Variants in COL22A1 observed in about 807,000 individuals in gnomAD.
COL22A1 encodes the protein collagen type XXII alpha 1 chain.
In COL22A1, 221 loss-of-function variants were observed where a neutral mutation model predicts 248.9. The ratio of observed to expected loss-of-function variants is 0.89; its 90% CI spans 0.80 to 0.99. The LOEUF is 0.99. Among genes scored for constraint, COL22A1 ranks in the 50% least tolerant of loss-of-function variants. COL22A1 has a pLI of 0.00. For missense variants in COL22A1, 2,240 were observed against 2,179.0 expected, an observed-to-expected ratio of 1.03 and a Z score of -0.56; for synonymous variants, 891 against 793.4, an observed-to-expected ratio of 1.12 and a Z score of -2.07.
At chr8:138,811,758 C>G (rs746008047) in intron 9 of COL22A1, 41 bp downstream of exon 9, 1 of 1,612,240 alleles carries the variant, frequency 6.2e-7, no homozygotes, top group South Asian at 1.1e-5. Flanking sequence ...ACTGCACCAC[C>G]CAGGGTTCTG....
rs111896036 is a variant in COL22A1 at position 138,636,020 on chromosome 8, C to T, written c.3555+722G>A. Among the ~76,000 whole-genome samples, 1,310 of 152,176 alleles carry T rather than the reference C, an allele frequency of 8.6e-3. 8 individuals carry two copies. Among genetic ancestry groups the T allele is most frequent in the South Asian group, 0.036 (171 of 4,800 alleles). ...TGGCATGGAATTGGCTGACAATGAG[C>T]ACTGGCTGTGAGATGCAGAAGAGAG... On this transcript the variant is annotated intron_variant, in intron 48 of 64. Coordinates refer to ENST00000303045, the MANE Select transcript of COL22A1 (RefSeq NM_152888.3).
At chr8:138,689,158 C>G (rs894865353) in intron 36 of COL22A1, among the ~76,000 whole-genome samples, 188 bp from the exon 37 acceptor site, 6 of 143,750 alleles carry the variant, frequency 4.2e-5, no homozygotes, top group Non-Finnish European at 7.5e-5. Flanking sequence ...GCTGCTCTCC[C>G]GGGGGGGGGG....
intron 9 of COL22A1, among the ~76,000 whole-genome samples, chr8:138,809,528 C>CTTTTTCTTTTTTT (rs1554633655): frequency 0.047 from 5,557 of 117,626 alleles, 358 homozygotes; most frequent in Middle Eastern, 0.073. Flanking sequence ...TTTTCTTTTT[C>CTTTTTCTTTTTTT]TTTTTTTTTT....
intron 3 of COL22A1, among the ~76,000 whole-genome samples, chr8:138,873,848 A>T (rs750764301): frequency 3.9e-5 from 6 of 152,220 alleles, no homozygotes; most frequent in Non-Finnish European, 8.8e-5. Context: ...GTTTTAATGC[A>T]TGGTTATTGA....
At chr8:138,720,598 C>T (rs1196190321) in intron 27 of COL22A1, 141 bp downstream of exon 27, 2 of 735,196 alleles carry the variant, frequency 2.7e-6, no homozygotes, top group East Asian at 5.1e-5. Flanking sequence ...AACCCTGCCC[C>T]TTTTCAAGTA....
chr8:138,615,383 T>A (rs1316775152), intron 55 of COL22A1, among the ~76,000 whole-genome samples: 4 of 151,904 alleles, frequency 2.6e-5, no homozygotes, highest in Non-Finnish European at 1.5e-5. Flanking sequence ...ATACAAAAAT[T>A]AGCTGGGCAT....
chr8:138,851,257 G>A (rs1399612831), intron 3 of COL22A1, among the ~76,000 whole-genome samples: 1 of 152,196 alleles, frequency 6.6e-6, no homozygotes, highest in Non-Finnish European at 1.5e-5. Flanking sequence ...GTCCACCCAT[G>A]GGAAGAGCAG....
chr8:138,748,578 T>C (rs1441065742), intron 22 of COL22A1, among the ~76,000 whole-genome samples: 2 of 152,114 alleles, frequency 1.3e-5, no homozygotes, highest in East Asian at 1.9e-4. Context: ...TGCCATGTAA[T>C]TGGAGCTCAA....
Position 138,668,903 on chromosome 8 carries a change from C to T in COL22A1, c.3151-5163G>A, listed in dbSNP as rs528437241. Among the ~76,000 whole-genome samples, 11 of 152,158 alleles carry T rather than the reference C, an allele frequency of 7.2e-5. No individual in the cohort carries two copies. The South Asian group carries it at 1.5e-3, about 20-fold the overall frequency. On this transcript the variant is annotated intron_variant, in intron 41 of 64. Coordinates refer to ENST00000303045, the MANE Select transcript of COL22A1 (RefSeq NM_152888.3). ...GAACCTTCACCCAGAGGGGGATAGG[C>T]GAAAAGAGGTTTAGTGGGGTCGGGG...
intron 50 of COL22A1, 25 bp from the exon 51 acceptor site, chr8:138,626,268 A>G (rs1230094269): frequency 6.3e-7 from 1 of 1,590,816 alleles, no homozygotes; most frequent in Non-Finnish European, 8.6e-7. Context: ...ACATAAAAAC[A>G]CCATGAAACC....
intron 6 of COL22A1, among the ~76,000 whole-genome samples, chr8:138,824,813 T>G (rs934090227): frequency 1.3e-4 from 20 of 152,324 alleles, no homozygotes; most frequent in Admixed American, 1.2e-3. Flanking sequence ...TGCGCATCAT[T>G]GGCACTTCTG....
At chr8:138,696,896 A>G (rs1443130386) in intron 32 of COL22A1, among the ~76,000 whole-genome samples, 1 of 152,178 alleles carries the variant, frequency 6.6e-6, no homozygotes, top group Non-Finnish European at 1.5e-5. Context: ...AAAACTACCC[A>G]TGGTGGGGAT....
intron 23 of COL22A1, among the ~76,000 whole-genome samples, chr8:138,736,030 C>T (rs1214278671): frequency 6.6e-6 from 1 of 152,112 alleles, no homozygotes; most frequent in Non-Finnish European, 1.5e-5. Flanking sequence ...CTTGTGCCCA[C>T]CTGCTTGGTG....
chr8:138,663,788 G>T lies in COL22A1; in HGVS notation c.3151-48C>A, dbSNP rs200059082. On this transcript the variant is annotated intron_variant, in intron 41 of 64. Transcript: ENST00000303045. ...GTAAGCAAAGTAGAAATGGCATGCT[G>T]ATGTAAACAAGCTATGGTGTTTATT... The T allele has an allele frequency of 8.6e-5, 122 of 1,426,000 alleles. No individual in the cohort carries two copies. In the African/African-American group the frequency reaches 1.5e-3, roughly 18 times the overall value. The allele number at this position is 1,426,000 out of a possible 1,614,324, so 88.3% of individuals were successfully genotyped here. A position where few individuals can be genotyped will look rare whatever the true frequency, so the allele number is the denominator to read the frequency against.
chr8:138,627,116 A>G (rs1820308441), intron 50 of COL22A1, among the ~76,000 whole-genome samples: 1 of 152,236 alleles, frequency 6.6e-6, no homozygotes, highest in South Asian at 2.1e-4. Flanking sequence ...CAAAATATTC[A>G]ACCCTCCCCA....
chr8:138,762,542 G>T, intron 16 of COL22A1, 76 bp from the exon 17 acceptor site: 2 of 1,367,058 alleles, frequency 1.5e-6, no homozygotes, highest in South Asian at 1.2e-5. Flanking sequence ...TCCCCACAGT[G>T]ACCGTCATGG....
At chr8:138,659,591 C>T (rs1823604183) in intron 44 of COL22A1, among the ~76,000 whole-genome samples, 1 of 152,202 alleles carries the variant, frequency 6.6e-6, no homozygotes, top group African/African-American at 2.4e-5. Context: ...CGCACAGCTG[C>T]CTCCCACTCT....
At chr8:138,637,259 C>G (rs768637694) in intron 47 of COL22A1, among the ~76,000 whole-genome samples, 1 of 151,980 alleles carries the variant, frequency 6.6e-6, no homozygotes, top group African/African-American at 2.4e-5. Context: ...GCAGAATAAA[C>G]CCAGGGTCTG....
At chr8:138,781,052 G>A (rs1814939599) in intron 12 of COL22A1, 72 bp from the exon 13 acceptor site, 7 of 1,091,168 alleles carry the variant, frequency 6.4e-6, no homozygotes, top group Non-Finnish European at 9.4e-6. Context: ...CTAGTGCAGT[G>A]GAGAACGTGC....
Sources: gnomAD v4.1 joint callset for allele counts (sites outside exome capture counted in the v4.1 genomes callset) on GRCh38, gnomAD v4.1.1 for gene constraint, MANE v1.5 for transcripts, NCBI Gene and HGNC (gene_info 2026-07-23, HGNC 2026-07-21) for gene names.